The following ADAD2 variants were observed in gnomAD, a reference collection of about 807,000 sequenced individuals.
ADAD2 encodes the protein adenosine deaminase domain-containing protein 2.
In ADAD2, 60 loss-of-function variants were observed where a neutral mutation model predicts 54.5. The ratio of observed to expected loss-of-function variants is 1.10; its 90% CI spans 0.89 to 1.36. ADAD2 has a LOEUF of 1.36. Ranked by LOEUF, ADAD2 falls within the 40% of genes most tolerant of loss-of-function variation. The pLI is 0.00. For synonymous variants in ADAD2, 543 were observed against 366.2 expected (o/e 1.48, Z -5.51); for missense variants, 1,103 against 801.3 (o/e 1.38, Z -4.54).
chr16:84,195,133 G>A lies in ADAD2; in HGVS notation c.672G>A (p.Leu224=). ...ALVSAGFDLL[L]DERSPYWACK... ...TGAGCGCCGGCTTTGACCTCCTGTT[G>A]GACGAGCGCTCGCCATACTGGGCCT... Residue 224 remains leucine, a synonymous_variant, in exon 4 of 10, where the codon TTG becomes TTA. Transcript: ENST00000315906. The A allele has an allele frequency of 1.2e-6, 2 of 1,613,618 alleles. No homozygotes were observed. Among genetic ancestry groups the A allele is most frequent in the Non-Finnish European group, 1.7e-6 (2 of 1,179,996 alleles).
At position 84,191,240 on chromosome 16, in the gene ADAD2, G is replaced by T; in HGVS notation, c.10G>T (p.Ala4Ser). 1 of 1,607,476 alleles carries T rather than the reference G, an allele frequency of 6.2e-7. No individual in the cohort carries two copies. The change falls in exon 1 of 10, where the codon GCT becomes TCT. Residue 4 changes from alanine (A) to serine (S), a missense_variant. Coordinates refer to ENST00000315906, the MANE Select transcript of ADAD2 (RefSeq NM_001145400.2). MAS[A>S]SQGADDDGSR... The stretch of plus-strand genomic sequence containing the variant: ...ATCTTCGTTGGCGGCCATGGCTTCG[G>T]CTTCTCAGGGCGCTGACGACGACGG...
chr16:84,191,596 G>C lies in ADAD2; in HGVS notation c.366G>C (p.Glu122Asp). 1 of 1,551,576 alleles carries C rather than the reference G, an allele frequency of 6.4e-7. No homozygotes were observed. The highest frequency in any genetic ancestry group is 2.4e-5 in the East Asian group (1 of 41,096). The stretch of plus-strand genomic sequence containing the variant: ...GCCAGGCCGTGTCCTTGCTCACGGA[G>C]TACGCGGCCAGCCTGGGCATCTTCC... ...PASQAVSLLTEYAASLGIFLL... is the reference protein window; with the variant it reads ...PASQAVSLLTDYAASLGIFLL... Residue 122 changes from glutamate to aspartate, a missense_variant, in exon 1 of 10, where the codon GAG (glutamate) becomes GAC (aspartate). Transcript: ENST00000315906.
Position 84,196,364 on chromosome 16 carries a change from AGGCCAAGTGAGAAGGGCCCCCTGG to A in ADAD2, c.1525_1526+22del, listed in dbSNP as rs1567614834. On this transcript the variant is annotated splice_donor_variant and splice_donor_5th_base_variant and coding_sequence_variant and intron_variant, in exon 8 of 10. Coordinates refer to ENST00000315906, the MANE Select transcript of ADAD2 (RefSeq NM_001145400.2). LOFTEE classifies it high-confidence loss of function. ...GTGGATGTGGCCACCGGGCGTGTGAAGGCCAAGTGAGAAGGGCCCCCTGGGGCCGGGCTGTGGAGCAGTGCTGGT... is the reference window on the plus strand; with the variant it reads ...GTGGATGTGGCCACCGGGCGTGTGAAGGCCGGGCTGTGGAGCAGTGCTGGT... 3.3e-5 allele frequency: 53 copies of A among 1,610,998 alleles called. No individual in the cohort carries two copies. Among genetic ancestry groups the A allele is most frequent in the Non-Finnish European group, 4.4e-5 (52 of 1,179,036 alleles).
At chr16:84,191,708 A>G (rs1597594231) in intron 1 of ADAD2, 60 bp downstream of exon 1, 2 of 1,540,612 alleles carry the variant, frequency 1.3e-6, no homozygotes, top group Non-Finnish European at 1.7e-6. Flanking sequence ...GCTGGGTCCC[A>G]GGACGTGGGG....
At position 84,191,264 on chromosome 16, in the gene ADAD2, G is replaced by A. The variant is rs762241365; in HGVS notation, c.34G>A (p.Gly12Ser). The change falls in exon 1 of 10, where the codon GGC (glycine) becomes AGC (serine). Residue 12 changes from glycine to serine, a missense_variant. Gly to Ser is a moderately conservative substitution (Grantham distance 56, BLOSUM62 0). Transcript: ENST00000315906. ...ASASQGADDD[G>S]SRRKPRLAAS... Reference sequence around the variant, plus strand: ...GGCTTCTCAGGGCGCTGACGACGACGGCAGTCGTAGGAAGCCCCGCCTGGC... The same window carrying A: ...GGCTTCTCAGGGCGCTGACGACGACAGCAGTCGTAGGAAGCCCCGCCTGGC... 1.7e-5 allele frequency: 27 copies of A among 1,603,474 alleles called. No individual in the cohort carries two copies. The highest frequency in any genetic ancestry group is 2.0e-5 in the Non-Finnish European group (23 of 1,176,336).
chr16:84,196,459 G>C, intron 8 of ADAD2, 89 bp downstream of exon 8: 1 of 1,548,580 alleles, frequency 6.5e-7, no homozygotes, highest in South Asian at 1.2e-5. Context: ...TCTAATCCCA[G>C]CGCAACCCCT....
chr16:84,195,214 T>G lies in ADAD2; in HGVS notation c.733+20T>G. The G allele has an allele frequency of 1.2e-6, 2 of 1,610,776 alleles. No homozygotes were observed. Among genetic ancestry groups the G allele is most frequent in the Non-Finnish European group, 1.7e-6 (2 of 1,178,426 alleles). ...AGAGGGGTAGGGATCGCCCCAGCCC[T>G]GGCCCTGGCCCCGGCCCCCTGGGAA... On this transcript the variant is annotated intron_variant, in intron 4 of 9. Coordinates refer to ENST00000315906, the MANE Select transcript of ADAD2 (RefSeq NM_001145400.2).
chr16:84,191,254 T>TGAC lies in ADAD2; in HGVS notation c.32_34dup (p.Asp11dup), dbSNP rs751488524. 4 of 1,607,380 alleles carry TGAC rather than the reference T, an allele frequency of 2.5e-6. No homozygotes were observed. The highest frequency in any genetic ancestry group is 2.2e-5 in the East Asian group (1 of 44,738). ...CCATGGCTTCGGCTTCTCAGGGCGC[T>TGAC]GACGACGACGGCAGTCGTAGGAAGC... On this transcript the variant is annotated inframe_insertion, in exon 1 of 10. Transcript: ENST00000315906.
In ADAD2 at chr16:84,197,135, G is replaced by T; in HGVS notation, c.*161G>T. The T allele has an allele frequency of 1.5e-6, 1 of 677,534 alleles. No homozygotes were observed. Among genetic ancestry groups the T allele is most frequent in the Non-Finnish European group, 2.5e-6 (1 of 401,184 alleles). The allele number at this position is 677,534 out of a possible 1,614,324, so 42.0% of individuals were successfully genotyped here. On this transcript the variant is annotated 3_prime_UTR_variant, in exon 10 of 10. Transcript: ENST00000315906. ...TGTGGTTGGGAGGCGGCTGCTGCAC[G>T]TTTGGGCTTGAATAAAGAAGTATTT...
At position 84,196,229 on chromosome 16, in the gene ADAD2, C is replaced by T. The variant is rs748255670; in HGVS notation, c.1385C>T (p.Thr462Ile). 5 of 1,611,684 alleles carry T rather than the reference C, an allele frequency of 3.1e-6. No individual in the cohort carries two copies. The highest frequency in any genetic ancestry group is 1.7e-5 in the Admixed American group (1 of 59,998). The change falls in exon 8 of 10, where the codon ACC becomes ATC. Residue 462 changes from threonine (T) to isoleucine (I), a missense_variant. Transcript: ENST00000315906. ...GPCLPPPYVR[T>I]ALHLFAGPPV... ...TGCCTGCCACCTCCCTACGTCCGGA[C>T]CGCCCTGCACCTGTTTGCAGGGCCC...
Position 84,191,261 on chromosome 16 carries a change from G to A in ADAD2, c.31G>A (p.Asp11Asn). MASASQGADD[D>N]GSRRKPRLAA... The stretch of plus-strand genomic sequence containing the variant: ...TTCGGCTTCTCAGGGCGCTGACGAC[G>A]ACGGCAGTCGTAGGAAGCCCCGCCT... Residue 11 changes from aspartate (D) to asparagine (N), a missense_variant, in exon 1 of 10, where the codon GAC becomes AAC. Coordinates refer to ENST00000315906, the MANE Select transcript of ADAD2 (RefSeq NM_001145400.2). 1 of 1,605,590 alleles carries A rather than the reference G, an allele frequency of 6.2e-7. No homozygotes were observed. Among genetic ancestry groups the A allele is most frequent in the Non-Finnish European group, 8.5e-7 (1 of 1,176,944 alleles).
In ADAD2 at chr16:84,196,167, C is replaced by G. The variant is rs2151328667; in HGVS notation, c.1323C>G (p.Ile441Met). 6.2e-7 allele frequency: 1 copy of G among 1,606,996 alleles called. No homozygotes were observed. The highest frequency in any genetic ancestry group is 8.5e-7 in the Non-Finnish European group (1 of 1,179,898). The part of the protein sequence containing the change: ...CHDPPTLSRA[I>M]HTRPCLDSVL... ...ACCCTCCGACTCTGAGCAGGGCCATCCACACCCGGCCCTGCCTGGACAGTG... is the reference window on the plus strand; with the variant it reads ...ACCCTCCGACTCTGAGCAGGGCCATGCACACCCGGCCCTGCCTGGACAGTG... Residue 441 changes from isoleucine to methionine, a missense_variant, in exon 8 of 10, where the codon ATC (isoleucine) becomes ATG (methionine). Coordinates refer to ENST00000315906, the MANE Select transcript of ADAD2 (RefSeq NM_001145400.2).
At chr16:84,193,908 G>A (rs968496845) in intron 1 of ADAD2, 1 of 1,282,618 alleles carries the variant, frequency 7.8e-7, no homozygotes, top group African/African-American at 1.5e-5. Flanking sequence ...CAAGTACTGT[G>A]AAATTAACCC....
At position 84,196,726 on chromosome 16, in the gene ADAD2, A is replaced by G. The variant is rs151109382; in HGVS notation, c.1606A>G (p.Lys536Glu). 10,548 of 1,612,870 alleles carry G rather than the reference A, an allele frequency of 6.5e-3. 53 individuals are homozygous for G. The highest frequency in any genetic ancestry group is 7.7e-3 in the Non-Finnish European group (9,137 of 1,179,894). ...AFHQAARAVG[K>E]PYLLALKTYE... Reference sequence around the variant, plus strand: ...TCACCAGGCGGCCAGGGCTGTGGGGAAGCCCTACCTCCTGGCCTTGAAGAC... The same window carrying G: ...TCACCAGGCGGCCAGGGCTGTGGGGGAGCCCTACCTCCTGGCCTTGAAGAC... Residue 536 changes from lysine (K) to glutamate (E), a missense_variant, in exon 9 of 10, where the codon AAG becomes GAG. Lys to Glu is a moderately conservative substitution (Grantham distance 56). Transcript: ENST00000315906.
In ADAD2 at chr16:84,191,365, C is replaced by T. The variant is rs753258233; in HGVS notation, c.135C>T (p.Pro45=). 7 of 1,521,978 alleles carry T rather than the reference C, an allele frequency of 4.6e-6. No individual in the cohort carries two copies. Among genetic ancestry groups the T allele is most frequent in the African/African-American group, 2.8e-5 (2 of 71,588 alleles). The allele number at this position is 1,521,978 out of a possible 1,614,324, so 94.3% of individuals were successfully genotyped here. The change falls in exon 1 of 10, where the codon CCC becomes CCT. Residue 45 remains proline, a synonymous_variant. Transcript: ENST00000315906. ...CCCAGGCCCAAAGTGCCTGGGGGCC[C>T]GCGCCCGCGCCCGCGACGTATCGCG... ...LPAQAQSAWG[P]APAPATYRAE...
rs1007416049 is a variant in ADAD2, at chr16:84,194,296, G to A, written c.419-146G>A. ...AAGGGTGTGCGCGGCATGGGGTGGC[G>A]ATGGAGCCTGCTGGAGGAAGGGAAG... is the stretch of plus-strand genomic sequence containing the variant. On this transcript the variant is annotated intron_variant, in intron 1 of 9. Transcript: ENST00000315906. 7 of 1,547,806 alleles carry A rather than the reference G, an allele frequency of 4.5e-6. 1 individual carries two copies. In the Middle Eastern group the frequency reaches 5.0e-4, roughly 111 times the overall value.
At chr16:84,191,791 G>A (rs1263182263) in intron 1 of ADAD2, 143 bp downstream of exon 1, 1 of 1,274,064 alleles carries the variant, frequency 7.8e-7, no homozygotes, top group Admixed American at 2.0e-5. Context: ...CCTGGCCTGA[G>A]CTTGGGACCT....
rs763296954 is a variant in ADAD2 at position 84,195,399 on chromosome 16, G to A, written c.837G>A (p.Gln279=). The change falls in exon 5 of 10, where the codon CAG becomes CAA. Residue 279 remains glutamine (Q), a synonymous_variant. Coordinates refer to ENST00000315906, the MANE Select transcript of ADAD2 (RefSeq NM_001145400.2). ...GCTGGCTGGAGTTCTCGGGCCAGCA[G>A]CTCCACGACTGCCATGGCCTGGTCA... The part of the protein sequence containing the change: ...CAGWLEFSGQ[Q]LHDCHGLVIA... The A allele has an allele frequency of 1.9e-6, 3 of 1,609,056 alleles. No individual in the cohort carries two copies. The highest frequency in any genetic ancestry group is 1.1e-5 in the South Asian group (1 of 90,938).
At position 84,195,906 on chromosome 16, in the gene ADAD2, G is replaced by C; in HGVS notation, c.1144G>C (p.Val382Leu). The C allele has an allele frequency of 6.2e-7, 1 of 1,601,522 alleles. No homozygotes were observed. Among genetic ancestry groups the C allele is most frequent in the Non-Finnish European group, 8.5e-7 (1 of 1,179,638 alleles). Residue 382 changes from valine to leucine, a missense_variant, in exon 7 of 10, where the codon GTG (valine) becomes CTG (leucine). Val to Leu is a conservative substitution (Grantham distance 32). Transcript: ENST00000315906. ...VLGQLKPVCY[V>L]APSLCDTHVG... is the part of the protein sequence containing the mutation. Reference sequence around the variant, plus strand: ...CGGGCAGCTGAAGCCTGTGTGCTACGTGGCGCCCTCGCTCTGTGACACCCA... The same window carrying C: ...CGGGCAGCTGAAGCCTGTGTGCTACCTGGCGCCCTCGCTCTGTGACACCCA...
Sources: gnomAD v4.1 joint callset for allele counts on GRCh38, gnomAD v4.1.1 for gene constraint, MANE v1.5 for transcripts, NCBI Gene and HGNC (gene_info 2026-07-23, HGNC 2026-07-21) for gene names.